COL27A1: variants seen among roughly 807,000 people sequenced by gnomAD.
The protein encoded by COL27A1 is collagen alpha-1(XXVII) chain.
COL27A1 carries 106 observed loss-of-function variants against 251.3 expected under a neutral mutation model. The ratio of observed to expected loss-of-function variants is 0.42; its 90% CI spans 0.36 to 0.50. The LOEUF (loss-of-function observed/expected upper bound fraction) is 0.50, where lower values mean the gene tolerates loss of function less well. Ranked by LOEUF, COL27A1 falls within the 20% of genes least tolerant of loss-of-function variation. The probability of loss-of-function intolerance (pLI) is 0.00; values close to 1 mark genes in which losing one functional copy is unlikely to be tolerated. For missense variants in COL27A1, 2,325 were observed against 2,522.8 expected (o/e 0.92, Z 1.68); for synonymous variants, 1,000 against 986.3 (o/e 1.01, Z -0.26).
At chr9:114,207,523 G>A (rs1352111790) in intron 10 of COL27A1, among the ~76,000 whole-genome samples, 2 of 152,190 alleles carry the variant, frequency 1.3e-5, no homozygotes, top group Non-Finnish European at 2.9e-5. Context: ...ATGACATCTG[G>A]GGTTGCTCGA....
chr9:114,306,924 C>A (rs1829092541), intron 58 of COL27A1: 4 of 510,950 alleles, frequency 7.8e-6, no homozygotes, highest in Non-Finnish European at 1.4e-5. Flanking sequence ...GCTCCTGAGG[C>A]TGTAAGAGTC....
At chr9:114,247,605 T>A (rs892320339) in intron 24 of COL27A1, among the ~76,000 whole-genome samples, 1 of 152,204 alleles carries the variant, frequency 6.6e-6, no homozygotes, top group Non-Finnish European at 1.5e-5. Context: ...GAACCTTGCC[T>A]GGAGCAGCCC....
At position 114,169,445 on chromosome 9, in the gene COL27A1, G is replaced by A. The variant is rs372788077; in HGVS notation, c.1890G>A (p.Lys630=). 162 of 1,541,578 alleles carry A rather than the reference G, an allele frequency of 1.1e-4. No individual in the cohort carries two copies. The highest frequency in any genetic ancestry group is 1.3e-4 in the Non-Finnish European group (146 of 1,146,428). The change falls in exon 3 of 61, where the codon AAG becomes AAA. Residue 630 remains lysine (K), a synonymous_variant. Transcript: ENST00000356083. ...FPLLMGPPGP[K]GDCGLPGPPG... Reference sequence around the variant, plus strand: ...TGCTGATGGGGCCTCCGGGACCCAAGGGAGACTGTGGCTTGCCGGTAAGAC... The same window carrying A: ...TGCTGATGGGGCCTCCGGGACCCAAAGGAGACTGTGGCTTGCCGGTAAGAC...
chr9:114,264,550 G>T lies in COL27A1; in HGVS notation c.3249+142G>T, dbSNP rs1834597492. 2.1e-5 allele frequency: 13 copies of T among 618,488 alleles called. No homozygotes were observed. The South Asian group carries it at 3.7e-4, about 18-fold the overall frequency. The allele number at this position is 618,488 out of a possible 1,614,324, so 38.3% of individuals were successfully genotyped here. A position where few individuals can be genotyped will look rare whatever the true frequency, so the allele number is the denominator to read the frequency against. ...GGAGGCTGCAGGGCTCTTTCTGAGA[G>T]CTTAGCCCTTCCACTCCTCCTGACC... On this transcript the variant is annotated intron_variant, in intron 29 of 60. Coordinates refer to ENST00000356083, the MANE Select transcript of COL27A1 (RefSeq NM_032888.4).
rs557306833 is a variant in COL27A1, at chr9:114,255,699, G to A, written c.3141+2767G>A. On this transcript the variant is annotated intron_variant, in intron 27 of 60. Coordinates refer to ENST00000356083, the MANE Select transcript of COL27A1 (RefSeq NM_032888.4). ...CAGACGGTCACTTACTGCTGTTTCT[G>A]ATCCCAAGGTTGCCATGGTCCCCCA... Among the ~76,000 whole-genome samples the A allele has an allele frequency of 4.6e-5, 7 of 152,200 alleles. No homozygotes were observed. The South Asian group carries it at 1.0e-3, about 23-fold the overall frequency.
chr9:114,202,809 C>A (rs80313633), intron 7 of COL27A1, among the ~76,000 whole-genome samples: 2,828 of 152,234 alleles, frequency 0.019, 65 homozygotes, highest in African/African-American at 0.049. Flanking sequence ...CTCCTTAGAG[C>A]AGCCTTTGCT....
chr9:114,260,020 C>A (rs1020338372), intron 28 of COL27A1, among the ~76,000 whole-genome samples: 3 of 152,032 alleles, frequency 2.0e-5, no homozygotes, highest in Admixed American at 2.0e-4. Context: ...TTCAAATGGG[C>A]CTTGGGCCAA....
chr9:114,214,444 A>C (rs181897236), intron 12 of COL27A1, among the ~76,000 whole-genome samples: 1 of 152,190 alleles, frequency 6.6e-6, no homozygotes. Context: ...CGGCCTCCTC[A>C]GTATCCAGTT....
At chr9:114,163,242 AAG>A (rs1435822884) in intron 2 of COL27A1, among the ~76,000 whole-genome samples, 3 of 152,152 alleles carry the variant, frequency 2.0e-5, no homozygotes, top group African/African-American at 7.2e-5. Context: ...CAAAAAAAAA[AAG>A]AATCGCATTT....
chr9:114,292,254 T>A (rs1410787145), intron 49 of COL27A1, 44 bp downstream of exon 49: 17 of 1,411,068 alleles, frequency 1.2e-5, no homozygotes, highest in Non-Finnish European at 9.8e-7. Context: ...CACTCACACA[T>A]GCACACACTC....
intron 16 of COL27A1, 75 bp downstream of exon 16, chr9:114,231,941 G>T (rs1303828714): frequency 6.8e-7 from 1 of 1,465,906 alleles, no homozygotes. Context: ...GGCTGCTGCT[G>T]ATTTCTCGCC....
chr9:114,215,995 G>A (rs775901492), intron 12 of COL27A1, among the ~76,000 whole-genome samples: 3 of 152,170 alleles, frequency 2.0e-5, no homozygotes, highest in African/African-American at 4.8e-5. Flanking sequence ...TGGAGCACAC[G>A]GTTGGGGTGG....
In COL27A1 at chr9:114,227,727, A is replaced by G. The variant is rs111657533; in HGVS notation, c.2467-3352A>G. 1.1e-4 allele frequency among the ~76,000 whole-genome samples: 16 copies of G among 152,274 alleles called. 1 individual carries two copies. The highest frequency in any genetic ancestry group is 2.9e-4 in the African/African-American group (12 of 41,554). On this transcript the variant is annotated intron_variant, in intron 14 of 60. Coordinates refer to ENST00000356083, the MANE Select transcript of COL27A1 (RefSeq NM_032888.4). The stretch of plus-strand genomic sequence containing the variant: ...GGTGGGAGTCAGTGAGACGAAGGGC[A>G]CAGCGTGTGGTGCGGTGTCTGGGAG...
chr9:114,237,843 A>T, intron 19 of COL27A1, 128 bp downstream of exon 19: 1 of 726,340 alleles, frequency 1.4e-6, no homozygotes, highest in South Asian at 1.6e-5. Flanking sequence ...TGAGGCTGAG[A>T]GGAGAAACTC....
intron 57 of COL27A1, among the ~76,000 whole-genome samples, chr9:114,305,518 A>G (rs975739447): frequency 5.3e-5 from 8 of 151,860 alleles, no homozygotes; most frequent in African/African-American, 1.9e-4. Flanking sequence ...CCTCCTACCC[A>G]CTCTGCATTG....
rs1205298128 is a variant in COL27A1 at position 114,168,809 on chromosome 9, C to T, written c.1254C>T (p.Val418=). ...PPTSRPVPAR[V]SRPAEKPIQR... Reference sequence around the variant, plus strand: ...CTTCCCGTCCAGTTCCTGCCAGAGTCTCCCGTCCCGCAGAGAAGCCCATCC... The same window carrying T: ...CTTCCCGTCCAGTTCCTGCCAGAGTTTCCCGTCCCGCAGAGAAGCCCATCC... The change falls in exon 3 of 61, where the codon GTC becomes GTT. Residue 418 remains valine (V), a synonymous_variant. Coordinates refer to ENST00000356083, the MANE Select transcript of COL27A1 (RefSeq NM_032888.4). 1.2e-6 allele frequency: 2 copies of T among 1,614,026 alleles called. No homozygotes were observed. The highest frequency in any genetic ancestry group is 1.7e-5 in the Admixed American group (1 of 60,014).
At chr9:114,171,873 G>T (rs977088453) in intron 3 of COL27A1, among the ~76,000 whole-genome samples, 2 of 152,186 alleles carry the variant, frequency 1.3e-5, no homozygotes, top group Non-Finnish European at 2.9e-5. Context: ...CAGGCTGTGT[G>T]TGTTCATCCC....
At chr9:114,251,458 GCTC>G (rs924130479) in intron 25 of COL27A1, among the ~76,000 whole-genome samples, 1 of 151,410 alleles carries the variant, frequency 6.6e-6, no homozygotes, top group Non-Finnish European at 1.5e-5. Flanking sequence ...TTCCCCTTCT[GCTC>G]CTCCTCCTTT....
At chr9:114,239,021 G>A (rs1193010172) in intron 19 of COL27A1, among the ~76,000 whole-genome samples, 1 of 152,174 alleles carries the variant, frequency 6.6e-6, no homozygotes, top group African/African-American at 2.4e-5. Context: ...AGCCTCTCCC[G>A]TCTTTGTGCT....
Sources: gnomAD v4.1 joint callset for allele counts (sites outside exome capture counted in the v4.1 genomes callset) on GRCh38, gnomAD v4.1.1 for gene constraint, MANE v1.5 for transcripts, NCBI Gene and HGNC (gene_info 2026-07-23, HGNC 2026-07-21) for gene names.